The following CSNK2A2 variants were observed in gnomAD, a reference collection of about 807,000 sequenced individuals.
CSNK2A2 encodes casein kinase II subunit alpha'.
A neutral mutation model predicts 54.0 loss-of-function variants in CSNK2A2; 8 were observed. The observed-to-expected ratio is 0.15, with a 90% confidence interval of 0.09 to 0.27. The LOEUF is 0.27. Among genes scored for constraint, CSNK2A2 ranks in the 10% least tolerant of loss-of-function variants. The pLI, the probability that CSNK2A2 is intolerant of heterozygous loss-of-function variation, is 1.00. For synonymous variants in CSNK2A2, 141 were observed against 153.9 expected (o/e 0.92, Z 0.62); for missense variants, 242 against 439.4 (o/e 0.55, Z 4.02).
chr16:58,179,875 C>G (rs1373508808), intron 4 of CSNK2A2, among the ~76,000 whole-genome samples: 1 of 151,916 alleles, frequency 6.6e-6, no homozygotes, highest in African/African-American at 2.4e-5. Flanking sequence ...TTCAGCAGTT[C>G]AAGACTAGCC....
At chr16:58,185,481 TAAAAAA>T (rs917686133) in intron 3 of CSNK2A2, among the ~76,000 whole-genome samples, 50 of 152,230 alleles carry the variant, frequency 3.3e-4, no homozygotes, top group African/African-American at 1.2e-3. Context: ...TCTGCTAACT[TAAAAAA>T]AGAAAAAGCA....
rs57990199 is a variant in CSNK2A2, at chr16:58,196,375, CCTGCAAGGAGTCCTTTTGGAGGA to C, written c.216+335_216+357del. Among the ~76,000 whole-genome samples, 841 of 152,242 alleles carry C rather than the reference CCTGCAAGGAGTCCTTTTGGAGGA, an allele frequency of 5.5e-3. 9 individuals carry two copies. Among genetic ancestry groups the C allele is most frequent in the African/African-American group, 0.019 (797 of 41,532 alleles). ...CTCTAATCCCAGCAACTATAGGAGG[CCTGCAAGGAGTCCTTTTGGAGGA>C]CTGCTTGAGCTCAGGAGCTTAAGAC... On this transcript the variant is annotated intron_variant, in intron 2 of 11. Coordinates refer to ENST00000262506, the MANE Select transcript of CSNK2A2 (RefSeq NM_001896.4).
chr16:58,184,241 G>C lies in CSNK2A2; in HGVS notation c.369+19C>G. 6.3e-7 allele frequency: 1 copy of C among 1,593,228 alleles called. No homozygotes were observed. Among genetic ancestry groups the C allele is most frequent in the Non-Finnish European group, 8.6e-7 (1 of 1,165,306 alleles). ...CCCTCACCCCGTTAACCCCATGCCAGAAAGAAAAGCATACGCACCTTAAAA... is the reference window on the plus strand; with the variant it reads ...CCCTCACCCCGTTAACCCCATGCCACAAAGAAAAGCATACGCACCTTAAAA... On this transcript the variant is annotated intron_variant, in intron 4 of 11. Coordinates refer to ENST00000262506, the MANE Select transcript of CSNK2A2 (RefSeq NM_001896.4).
At chr16:58,187,718 T>A (rs1962226092) in intron 2 of CSNK2A2, among the ~76,000 whole-genome samples, 1 of 152,272 alleles carries the variant, frequency 6.6e-6, no homozygotes, top group Non-Finnish European at 1.5e-5. Context: ...GTTATTTTCA[T>A]ATTTTTAGTA....
intron 5 of CSNK2A2, among the ~76,000 whole-genome samples, chr16:58,173,405 A>G (rs1961792244): frequency 6.6e-6 from 1 of 152,202 alleles, no homozygotes; most frequent in Non-Finnish European, 1.5e-5. Flanking sequence ...GCATATTAAT[A>G]CATGCATTTT....
rs977364425 is a variant in CSNK2A2 at position 58,197,553 on chromosome 16, G to C, written c.104+80C>G. ...GGAGGGGTCGGCGGGAGACACCACCGGGCCCGAGTGCGGTTCGCAGGGGGT... is the reference window on the plus strand; with the variant it reads ...GGAGGGGTCGGCGGGAGACACCACCCGGCCCGAGTGCGGTTCGCAGGGGGT... On this transcript the variant is annotated intron_variant, in intron 1 of 11. Transcript: ENST00000262506. The surrounding 1 kb of genome is among the most constrained non-coding windows in gnomAD (Gnocchi z 4.0). 2.0e-5 allele frequency: 19 copies of C among 929,176 alleles called. No homozygotes were observed. The highest frequency in any genetic ancestry group is 1.3e-4 in the Admixed American group (5 of 37,122). The allele number at this position is 929,176 out of a possible 1,614,324, so 57.6% of individuals were successfully genotyped here. A position where few individuals can be genotyped will look rare whatever the true frequency, so the allele number is the denominator to read the frequency against.
intron 4 of CSNK2A2, among the ~76,000 whole-genome samples, chr16:58,181,433 C>G (rs1041927617): frequency 6.6e-6 from 1 of 152,166 alleles, no homozygotes; most frequent in Non-Finnish European, 1.5e-5. Flanking sequence ...GGCTAAGATA[C>G]CAGCAGCCAA....
chr16:58,188,266 G>A (rs993614500), intron 2 of CSNK2A2, among the ~76,000 whole-genome samples: 27 of 152,206 alleles, frequency 1.8e-4, no homozygotes, highest in Admixed American at 3.3e-4. Flanking sequence ...CTCTCCGCCC[G>A]CTGTGCCAGG....
At chr16:58,166,138 T>C (rs1961556336) in intron 9 of CSNK2A2, among the ~76,000 whole-genome samples, 1 of 152,214 alleles carries the variant, frequency 6.6e-6, no homozygotes, top group Admixed American at 6.5e-5. Flanking sequence ...GCAATGTACC[T>C]GAAAACTCAA....
chr16:58,161,384 A>G (rs979783889), intron 11 of CSNK2A2: 1 of 152,210 alleles, frequency 6.6e-6, no homozygotes, highest in Non-Finnish European at 1.5e-5. Context: ...TTAAGTCCTT[A>G]TCATAGGCAC....
intron 2 of CSNK2A2, 94 bp from the exon 3 acceptor site, chr16:58,186,950 CTATCTTG>C: frequency 1.1e-6 from 1 of 926,722 alleles, no homozygotes; most frequent in Non-Finnish European, 1.7e-6. Context: ...GGATAGTACG[CTATCTTG>C]TACACTCTGT....
At chr16:58,176,545 C>A (rs755300259) in intron 4 of CSNK2A2, among the ~76,000 whole-genome samples, 1 of 152,142 alleles carries the variant, frequency 6.6e-6, no homozygotes, top group South Asian at 2.1e-4. Flanking sequence ...GCCCAAAATT[C>A]AAGACTATGC....
At chr16:58,166,804 A>G (rs1031957623) in intron 8 of CSNK2A2, 120 bp from the exon 9 acceptor site, 2 of 702,330 alleles carry the variant, frequency 2.8e-6, no homozygotes, top group Non-Finnish European at 4.9e-6. Context: ...AACGAGATAC[A>G]AACCCAGGTC....
intron 5 of CSNK2A2, chr16:58,173,998 G>C (rs1371186679): frequency 6.5e-6 from 1 of 152,684 alleles, no homozygotes; most frequent in African/African-American, 2.4e-5. Context: ...AGCTATCCCT[G>C]CTGCCCCAGC....
At chr16:58,193,106 G>T (rs1190872249) in intron 2 of CSNK2A2, among the ~76,000 whole-genome samples, 1 of 152,178 alleles carries the variant, frequency 6.6e-6, no homozygotes, top group African/African-American at 2.4e-5. Context: ...GTGAAAATCA[G>T]AATGTACCAA....
chr16:58,183,073 T>C (rs994399515), intron 4 of CSNK2A2, among the ~76,000 whole-genome samples: 1 of 152,118 alleles, frequency 6.6e-6, no homozygotes, highest in East Asian at 1.9e-4. Flanking sequence ...TAAGAAAAAT[T>C]AGGCCAGGCG....
intron 8 of CSNK2A2, 52 bp from the exon 9 acceptor site, chr16:58,166,736 G>T: frequency 7.8e-7 from 1 of 1,289,412 alleles, no homozygotes; most frequent in Non-Finnish European, 1.1e-6. Context: ...CACACCATGA[G>T]CCCGTGAGGA....
chr16:58,163,113 C>T (rs1961435933), intron 11 of CSNK2A2: 1 of 151,752 alleles, frequency 6.6e-6, no homozygotes, highest in Non-Finnish European at 1.5e-5. Flanking sequence ...TGTTTTCCTC[C>T]CTCGCCTTGC....
Position 58,197,057 on chromosome 16 carries a change from G to A in CSNK2A2, c.105-213C>T. 1 of 527,390 alleles carries A rather than the reference G, an allele frequency of 1.9e-6. No homozygotes were observed. Among genetic ancestry groups the A allele is most frequent in the Non-Finnish European group, 3.4e-6 (1 of 290,506 alleles). 32.7% of individuals were successfully genotyped at this position (527,390 alleles called of 1,614,324 possible). A position where few individuals can be genotyped will look rare whatever the true frequency, so the allele number is the denominator to read the frequency against. The stretch of plus-strand genomic sequence containing the variant: ...ACCTAATTGGTCTCTCCTAACTTGG[G>A]AAGATGGGGCAGGAAGGCAACGCTC... On this transcript the variant is annotated intron_variant, in intron 1 of 11. Coordinates refer to ENST00000262506, the MANE Select transcript of CSNK2A2 (RefSeq NM_001896.4). This position sits in a 1 kb window ranked among gnomAD's most constrained non-coding sequence, Gnocchi z 4.0.
Sources: gnomAD v4.1 joint callset for allele counts (sites outside exome capture counted in the v4.1 genomes callset) on GRCh38, gnomAD v4.1.1 for gene constraint, Gnocchi (gnomAD v3.1) non-coding constraint, MANE v1.5 for transcripts, NCBI Gene and HGNC (gene_info 2026-07-23, HGNC 2026-07-21) for gene names.